Variants in MRTFA observed in about 807,000 individuals in gnomAD.
The protein encoded by MRTFA is myocardin related transcription factor A.
A neutral mutation model predicts 83.5 loss-of-function variants in MRTFA; 20 were observed. That is an observed-to-expected ratio of 0.24 (90% CI 0.17 to 0.35). The LOEUF (loss-of-function observed/expected upper bound fraction) is 0.35. MRTFA is among the 10% of genes least tolerant of loss of function. The pLI is 1.00. For synonymous variants in MRTFA, 659 were observed against 541.2 expected (o/e 1.22, Z -3.02); for missense variants, 1,200 against 1,224.7 (o/e 0.98, Z 0.30).
chr22:40,630,530 C>A (rs987864327), intron 1 of MRTFA, among the ~76,000 whole-genome samples: 2 of 152,112 alleles, frequency 1.3e-5, no homozygotes, highest in Admixed American at 6.6e-5. Context: ...ATTTCCTTTC[C>A]TTTCGACGTA....
Position 40,411,491 on chromosome 22 carries a change from C to A in MRTFA, c.2995G>T (p.Val999Leu), listed in dbSNP as rs775773947. ...GTGCTGAGGGGGGCTAGGCTCAGCACGGGACCACCTGACGACAGCTCCAGC... is the reference window on the plus strand; with the variant it reads ...GTGCTGAGGGGGGCTAGGCTCAGCAAGGGACCACCTGACGACAGCTCCAGC... Residue 999 changes from valine to leucine, a missense_variant, in exon 15 of 15, where the codon GTG becomes TTG. Transcript: ENST00000355630. 6 of 1,610,310 alleles carry A rather than the reference C, an allele frequency of 3.7e-6. No individual in the cohort carries two copies. In the Admixed American group the frequency reaches 1.0e-4, roughly 27 times the overall value.
intron 1 of MRTFA, among the ~76,000 whole-genome samples, chr22:40,611,472 C>T (rs133034): frequency 0.54 from 81,413 of 151,534 alleles, 22,546 homozygotes; most frequent in East Asian, 0.88. Context: ...CTCGAATTCC[C>T]AGCCTCAAGT....
chr22:40,422,570 C>T (rs925744081), intron 9 of MRTFA, among the ~76,000 whole-genome samples: 1 of 152,196 alleles, frequency 6.6e-6, no homozygotes, highest in African/African-American at 2.4e-5. Context: ...ACTCACTGCT[C>T]CCAAGGCCTG....
intron 14 of MRTFA, chr22:40,415,136 T>TG: frequency 6.6e-6 from 1 of 152,538 alleles, no homozygotes; most frequent in Non-Finnish European, 1.5e-5. Flanking sequence ...TCCCTTTCTC[T>TG]GCCATCCCTT....
intron 3 of MRTFA, among the ~76,000 whole-genome samples, chr22:40,534,521 T>G (rs2055134190): frequency 6.6e-6 from 1 of 152,182 alleles, no homozygotes; most frequent in Non-Finnish European, 1.5e-5. Context: ...GTGGTGCAAA[T>G]GTGGCTTACT....
Position 40,429,718 on chromosome 22 carries a change from T to A in MRTFA, c.489A>T (p.Arg163Ser). The change falls in exon 7 of 15, where the codon AGA becomes AGT. Residue 163 changes from arginine (R) to serine (S), a missense_variant. Physicochemically the swap from Arg to Ser is moderately radical, Grantham distance 110. Around this residue, in one of 2 missense-constraint regions of MRTFA, gnomAD observed 93 missense variants for 182.9 expected, o/e 0.51. Coordinates refer to ENST00000355630, the MANE Select transcript of MRTFA (RefSeq NM_020831.6). ...CATTGAGGTCATCGGCTAGTCTGGC[T>A]CTCTTCAGCTTCAGCTGCTTGGCCT... 3 of 1,613,948 alleles carry A rather than the reference T, an allele frequency of 1.9e-6. No individual in the cohort carries two copies. Among genetic ancestry groups the A allele is most frequent in the Non-Finnish European group, 2.5e-6 (3 of 1,179,976 alleles).
At position 40,635,575 on chromosome 22, in the gene MRTFA, T is replaced by C. The variant is rs118190614; in HGVS notation, c.-84+903A>G. 8.3e-3 allele frequency among the ~76,000 whole-genome samples: 1,258 copies of C among 152,318 alleles called. 10 individuals are homozygous for C. The highest frequency in any genetic ancestry group is 0.014 in the Non-Finnish European group (925 of 68,026). On this transcript the variant is annotated intron_variant, in intron 1 of 14. Coordinates refer to ENST00000355630, the MANE Select transcript of MRTFA (RefSeq NM_020831.6). Reference sequence around the variant, plus strand: ...AAGCAAGTTAACCATTCAACTGCCCTTTCGTTATGCTGCATAACAGGGAGA... The same window carrying C: ...AAGCAAGTTAACCATTCAACTGCCCCTTCGTTATGCTGCATAACAGGGAGA...
rs138181379 is a variant in MRTFA at position 40,436,685 on chromosome 22, ATGAGAGGGAAAGGCC to A, written c.308-1146_308-1132del. 5.5e-3 allele frequency among the ~76,000 whole-genome samples: 837 copies of A among 152,352 alleles called. 10 individuals carry two copies. The highest frequency in any genetic ancestry group is 0.019 in the African/African-American group (805 of 41,570). ...AATAGCAACTTAAGACACTCTGAGGATGAGAGGGAAAGGCCTGACTCACTTCAAGTAGGGAACAGA... is the reference window on the plus strand; with the variant it reads ...AATAGCAACTTAAGACACTCTGAGGATGACTCACTTCAAGTAGGGAACAGA... On this transcript the variant is annotated intron_variant, in intron 4 of 14. Transcript: ENST00000355630.
At chr22:40,422,166 G>A (rs895796875) in intron 9 of MRTFA, among the ~76,000 whole-genome samples, 1 of 152,092 alleles carries the variant, frequency 6.6e-6, no homozygotes, top group African/African-American at 2.4e-5. Flanking sequence ...CAGAGAGGAG[G>A]CAGAGGGCAG....
At chr22:40,585,538 A>G (rs1365579923) in intron 2 of MRTFA, among the ~76,000 whole-genome samples, 1 of 152,232 alleles carries the variant, frequency 6.6e-6, no homozygotes, top group Non-Finnish European at 1.5e-5. Context: ...CCACTGAACT[A>G]TATACTTAAA....
intron 4 of MRTFA, among the ~76,000 whole-genome samples, chr22:40,439,052 A>T (rs1224534280): frequency 6.6e-6 from 1 of 152,244 alleles, no homozygotes; most frequent in Non-Finnish European, 1.5e-5. Context: ...ATAGATAAGG[A>T]CAGGGCCAAA....
At chr22:40,590,520 A>G (rs192106252) in intron 2 of MRTFA, among the ~76,000 whole-genome samples, 2 of 151,806 alleles carry the variant, frequency 1.3e-5, no homozygotes, top group African/African-American at 4.8e-5. Context: ...TACAAAAATT[A>G]GTCGGGCATA....
At chr22:40,623,570 T>G (rs1278489484) in intron 1 of MRTFA, among the ~76,000 whole-genome samples, 1 of 151,590 alleles carries the variant, frequency 6.6e-6, no homozygotes, top group African/African-American at 2.4e-5. Context: ...TCTACTATAC[T>G]TCACGCCTGG....
chr22:40,525,282 T>C (rs559672418), intron 3 of MRTFA, among the ~76,000 whole-genome samples: 2 of 152,308 alleles, frequency 1.3e-5, no homozygotes, highest in African/African-American at 4.8e-5. Flanking sequence ...TCTAGAATTA[T>C]AGAGATAAGT....
At chr22:40,618,546 T>C (rs1463935062) in intron 1 of MRTFA, among the ~76,000 whole-genome samples, 1 of 151,950 alleles carries the variant, frequency 6.6e-6, no homozygotes, top group Non-Finnish European at 1.5e-5. Context: ...GGGAAACCAA[T>C]GGGGTTGCCA....
At chr22:40,417,673 G>A in intron 12 of MRTFA, 180 bp from the exon 13 acceptor site, 1 of 588,210 alleles carries the variant, frequency 1.7e-6, no homozygotes, top group Non-Finnish European at 3.0e-6. Flanking sequence ...ATACAGGATG[G>A]GGGGCCCTCA....
chr22:40,623,445 A>G (rs1013320438), intron 1 of MRTFA, among the ~76,000 whole-genome samples: 2 of 151,718 alleles, frequency 1.3e-5, no homozygotes, highest in African/African-American at 4.8e-5. Flanking sequence ...AGCATTAGGT[A>G]TATCTCCCAA....
Position 40,411,265 on chromosome 22 carries a change from G to GA in MRTFA, c.*124dup. 1 of 1,096,966 alleles carries GA rather than the reference G, an allele frequency of 9.1e-7. No individual in the cohort carries two copies. The highest frequency in any genetic ancestry group is 1.3e-6 in the Non-Finnish European group (1 of 782,628). 68.0% of individuals were successfully genotyped at this position (1,096,966 alleles called of 1,614,324 possible). ...CTCTGTTCTAGCCTCCCAGGGAAGG[G>GA]AAAAAGCAGGGGCTGTGATTGTCAA... On this transcript the variant is annotated 3_prime_UTR_variant, in exon 15 of 15. Transcript: ENST00000355630.
intron 2 of MRTFA, among the ~76,000 whole-genome samples, chr22:40,561,578 C>T (rs1294155556): frequency 6.6e-6 from 1 of 151,774 alleles, no homozygotes; most frequent in African/African-American, 2.4e-5. Context: ...GTCTCTACCA[C>T]ACCCATTATC....
Sources: allele counts gnomAD v4.1 joint callset (sites outside exome capture counted in the v4.1 genomes callset), GRCh38; gene constraint gnomAD v4.1.1; regional missense constraint gnomAD v4.1.1; transcripts MANE v1.5; gene names NCBI Gene and HGNC (gene_info 2026-07-23, HGNC 2026-07-21).